Variants in TOGARAM1 observed in about 807,000 individuals in gnomAD.
TOGARAM1 encodes TOG array regulator of axonemal microtubules 1, also known as TOG array regulator of axonemal microtubules protein 1.
TOGARAM1 carries 100 observed loss-of-function variants against 166.6 expected under a neutral mutation model. The ratio of observed to expected loss-of-function variants is 0.60; its 90% confidence interval spans 0.51 to 0.71. The LOEUF (loss-of-function observed/expected upper bound fraction) is 0.71, where lower values mean the gene tolerates loss of function less well. TOGARAM1 is among the 30% of genes least tolerant of loss of function. The probability of loss-of-function intolerance (pLI) is 0.00; values close to 1 mark genes in which losing one functional copy is unlikely to be tolerated. For missense variants in TOGARAM1, 2,029 were observed against 2,102.7 expected (o/e 0.96, Z 0.69); for synonymous variants, 758 against 763.8 (o/e 0.99, Z 0.13).
chr14:44,981,372 A>T (rs1886523008), intron 1 of TOGARAM1, among the ~76,000 whole-genome samples: 1 of 152,214 alleles, frequency 6.6e-6, no homozygotes, highest in Non-Finnish European at 1.5e-5. Context: ...AGTAGGAGAT[A>T]TAACCAAATA....
chr14:45,015,593 A>G (rs575546426), intron 7 of TOGARAM1, among the ~76,000 whole-genome samples: 1 of 147,804 alleles, frequency 6.8e-6, no homozygotes, highest in African/African-American at 2.5e-5. Context: ...TTTTTTTTTT[A>G]AATTACGGAT....
rs1205221325 is a variant in TOGARAM1 at position 45,036,088 on chromosome 14, C to G, written c.3812+3712C>G. Among the ~76,000 whole-genome samples the G allele has an allele frequency of 2.8e-5, 4 of 144,530 alleles. No homozygotes were observed. The Admixed American group carries it at 2.8e-4, about 10-fold the overall frequency. The allele number at this position is 144,530 out of a possible 152,430, so 94.8% of individuals were successfully genotyped here. On this transcript the variant is annotated intron_variant, in intron 11 of 19. Coordinates refer to ENST00000361462, the MANE Select transcript of TOGARAM1 (RefSeq NM_001308120.2). ...GAGGCTGCAGTGAGCTGTGATTGTG[C>G]CACTACACTGCAGCCTGAGCAACAG...
intron 1 of TOGARAM1, among the ~76,000 whole-genome samples, chr14:44,969,172 C>CT (rs774045525): frequency 0.023 from 2,375 of 105,228 alleles, 29 homozygotes; most frequent in Non-Finnish European, 0.033. Flanking sequence ...TCTTTCTTTT[C>CT]TTTTTTTTTT....
At chr14:45,014,079 T>G (rs967631652) in intron 7 of TOGARAM1, among the ~76,000 whole-genome samples, 75 of 147,298 alleles carry the variant, frequency 5.1e-4, no homozygotes, top group African/African-American at 1.9e-3. Flanking sequence ...AGAGTCTCGC[T>G]CTGTCGCTGA....
chr14:45,059,663 AC>A lies in TOGARAM1; in HGVS notation c.4559+5115del, dbSNP rs1274502245. On this transcript the variant is annotated intron_variant, in intron 16 of 19. Coordinates refer to ENST00000361462, the MANE Select transcript of TOGARAM1 (RefSeq NM_001308120.2). Reference sequence around the variant, plus strand: ...AGAGCGAGACTCTGTCTCAAAAAAAACAAAACAAAACAAAACAAAACAAAAA... The same window carrying A: ...AGAGCGAGACTCTGTCTCAAAAAAAAAAAACAAAACAAAACAAAACAAAAA... Among the ~76,000 whole-genome samples, 6 of 145,058 alleles carry A rather than the reference AC, an allele frequency of 4.1e-5. No homozygotes were observed. In the East Asian group the frequency reaches 7.8e-4, roughly 19 times the overall value.
At chr14:45,011,936 A>G in intron 6 of TOGARAM1, 39 bp from the exon 7 acceptor site, 1 of 1,441,006 alleles carries the variant, frequency 6.9e-7, no homozygotes, top group Non-Finnish European at 9.6e-7. Context: ...AACAGCACTA[A>G]ATCTTAATGT....
chr14:44,978,018 C>T (rs1044823764), intron 1 of TOGARAM1, among the ~76,000 whole-genome samples: 4 of 152,090 alleles, frequency 2.6e-5, no homozygotes, highest in African/African-American at 9.7e-5. Flanking sequence ...AAATGGTTTC[C>T]GTTTTTATAA....
At chr14:44,986,061 T>A (rs1886777390) in intron 1 of TOGARAM1, among the ~76,000 whole-genome samples, 1 of 152,222 alleles carries the variant, frequency 6.6e-6, no homozygotes, top group African/African-American at 2.4e-5. Flanking sequence ...GATTTTACAA[T>A]TTTGTATTTT....
At chr14:45,019,031 A>T (rs1008594256) in intron 7 of TOGARAM1, among the ~76,000 whole-genome samples, 1 of 152,222 alleles carries the variant, frequency 6.6e-6, no homozygotes, top group African/African-American at 2.4e-5. Context: ...GTATTTACTA[A>T]ATCTGTCTTG....
intron 16 of TOGARAM1, among the ~76,000 whole-genome samples, chr14:45,059,587 C>T (rs772340836): frequency 7.9e-5 from 12 of 151,924 alleles, no homozygotes; most frequent in East Asian, 1.9e-4. Context: ...GAGGCAGAGG[C>T]GGAAGTTGCA....
intron 7 of TOGARAM1, among the ~76,000 whole-genome samples, chr14:45,014,624 T>C (rs1880008601): frequency 6.6e-6 from 1 of 152,180 alleles, no homozygotes. Context: ...GACTATTGGA[T>C]GATAAACACA....
intron 15 of TOGARAM1, 58 bp downstream of exon 15, chr14:45,052,620 C>G: frequency 6.9e-7 from 1 of 1,457,160 alleles, no homozygotes; most frequent in Non-Finnish European, 9.4e-7. Context: ...GTTTTTACAT[C>G]CAGGTAAAGG....
At chr14:45,048,093 C>T (rs1436819552) in intron 14 of TOGARAM1, among the ~76,000 whole-genome samples, 2 of 146,466 alleles carry the variant, frequency 1.4e-5, no homozygotes, top group African/African-American at 5.0e-5. Context: ...GTGGCTTACA[C>T]CTGTAATCCC....
chr14:45,013,638 G>A (rs1879943300), intron 7 of TOGARAM1, among the ~76,000 whole-genome samples: 1 of 152,168 alleles, frequency 6.6e-6, no homozygotes, highest in Non-Finnish European at 1.5e-5. Context: ...CTTGAGAAGG[G>A]TAGTGAAAAT....
chr14:45,005,600 G>A (rs1887914267), intron 4 of TOGARAM1, among the ~76,000 whole-genome samples: 1 of 152,170 alleles, frequency 6.6e-6, no homozygotes, highest in Admixed American at 6.5e-5. Context: ...GGCTACAAGA[G>A]TGAGACTCTG....
At chr14:44,978,973 CTT>C (rs1186262913) in intron 1 of TOGARAM1, among the ~76,000 whole-genome samples, 2 of 142,832 alleles carry the variant, frequency 1.4e-5, no homozygotes. Flanking sequence ...ATCTCTCTCT[CTT>C]TTTTTTTTTA....
rs1267930630 is a variant in TOGARAM1, at chr14:44,970,311, A to AT, written c.2046+5852dup. 5.9e-5 allele frequency among the ~76,000 whole-genome samples: 9 copies of AT among 152,098 alleles called. No homozygotes were observed. The East Asian group carries it at 1.2e-3, about 20-fold the overall frequency. The stretch of plus-strand genomic sequence containing the variant: ...CTTCTGTATGTTAATGTAAATGGTA[A>AT]TTTTTTTTAAATTTCAAATTCCACT... On this transcript the variant is annotated intron_variant, in intron 1 of 19. Coordinates refer to ENST00000361462, the MANE Select transcript of TOGARAM1 (RefSeq NM_001308120.2).
Position 44,974,703 on chromosome 14 carries a change from G to A in TOGARAM1, c.2046+10236G>A, listed in dbSNP as rs1009866067. ...TTTGATGAGCGTAATTTTATGGTTG[G>A]CATAAAATATCTTAGCATTTTAAAA... On this transcript the variant is annotated intron_variant, in intron 1 of 19. Transcript: ENST00000361462. 8.6e-5 allele frequency among the ~76,000 whole-genome samples: 13 copies of A among 151,922 alleles called. No individual in the cohort carries two copies. In the East Asian group the frequency reaches 1.9e-3, roughly 23 times the overall value.
intron 1 of TOGARAM1, among the ~76,000 whole-genome samples, chr14:44,984,097 T>C (rs1371539686): frequency 3.3e-5 from 5 of 152,156 alleles, no homozygotes; most frequent in African/African-American, 1.2e-4. Flanking sequence ...AAAGAGTTTA[T>C]AGGACAAAAC....
Sources: gnomAD v4.1 joint callset for allele counts (sites outside exome capture counted in the v4.1 genomes callset) on GRCh38, gnomAD v4.1.1 for gene constraint, MANE v1.5 for transcripts, NCBI Gene and HGNC (gene_info 2026-07-23, HGNC 2026-07-21) for gene names.